The following TRPM1 variants were observed in gnomAD, a reference collection of about 807,000 sequenced individuals.
TRPM1 encodes the protein TRPM1-203 APA Isoform, Intron 10.
TRPM1 carries 113 observed loss-of-function variants against 149.4 expected under a neutral mutation model. That is an observed-to-expected ratio of 0.76 (90% CI 0.65 to 0.88). TRPM1 has a LOEUF of 0.88. TRPM1 is among the 40% of genes least tolerant of loss of function. The pLI, the probability that TRPM1 is intolerant of heterozygous loss-of-function variation, is 0.00. For missense variants in TRPM1, 1,976 were observed against 2,038.7 expected (o/e 0.97, Z 0.59); for synonymous variants, 741 against 759.5 (o/e 0.98, Z 0.40).
chr15:31,034,534 C>T (rs985950352), intron 21 of TRPM1, among the ~76,000 whole-genome samples: 2 of 152,214 alleles, frequency 1.3e-5, no homozygotes, highest in African/African-American at 4.8e-5. Flanking sequence ...GAGACAGACT[C>T]CACAGTGTCC....
intron 1 of TRPM1, among the ~76,000 whole-genome samples, chr15:31,089,404 A>G (rs950237471): frequency 1.3e-5 from 2 of 152,230 alleles, no homozygotes; most frequent in Admixed American, 6.5e-5. Flanking sequence ...TCTTCCCTAC[A>G]GAGTCCAGTA....
chr15:31,115,382 A>G (rs2035785508), intron 1 of TRPM1, among the ~76,000 whole-genome samples: 1 of 152,222 alleles, frequency 6.6e-6, no homozygotes, highest in Admixed American at 6.5e-5. Flanking sequence ...TCACAGCACG[A>G]AAAAGCTGTT....
intron 1 of TRPM1, among the ~76,000 whole-genome samples, chr15:31,089,483 A>G (rs999875987): frequency 4.6e-5 from 7 of 152,308 alleles, no homozygotes; most frequent in Non-Finnish European, 7.4e-5. Flanking sequence ...CTGGCCCACA[A>G]CACTGCTGGA....
intron 1 of TRPM1, among the ~76,000 whole-genome samples, chr15:31,139,595 C>T (rs147510158): frequency 8.9e-4 from 135 of 152,258 alleles, no homozygotes; most frequent in African/African-American, 3.1e-3. Flanking sequence ...AAGAAACTAA[C>T]CTCAATGCCT....
chr15:31,056,773 C>T (rs923733620), intron 11 of TRPM1, among the ~76,000 whole-genome samples: 10 of 152,170 alleles, frequency 6.6e-5, no homozygotes, highest in African/African-American at 2.2e-4. Flanking sequence ...CGCTCTCTTA[C>T]CCTTTCACCT....
chr15:31,074,810 A>G lies in TRPM1; in HGVS notation c.83+2095T>C, dbSNP rs143878902. Among the ~76,000 whole-genome samples, 392 of 152,286 alleles carry G rather than the reference A, an allele frequency of 2.6e-3. 1 individual carries two copies. Among genetic ancestry groups the G allele is most frequent in the African/African-American group, 8.9e-3 (369 of 41,570 alleles). On this transcript the variant is annotated intron_variant, in intron 3 of 27. Coordinates refer to ENST00000256552, the MANE Select transcript of TRPM1 (RefSeq NM_001252024.2). ...TATCTTTCTTAATATAGGTATTTAC[A>G]GGTATAAATTTCCCTGTCCGTACTA... is the stretch of plus-strand genomic sequence containing the variant.
At chr15:31,046,098 G>T in intron 16 of TRPM1, 106 bp downstream of exon 16, 1 of 1,041,734 alleles carries the variant, frequency 9.6e-7, no homozygotes, top group Non-Finnish European at 1.5e-6. Context: ...AGACATCTAG[G>T]TAAATTTTGG....
chr15:31,028,417 C>G lies in TRPM1; in HGVS notation c.3208G>C (p.Gly1070Arg), dbSNP rs753286572. 2 of 1,614,002 alleles carry G rather than the reference C, an allele frequency of 1.2e-6. No homozygotes were observed. Among genetic ancestry groups the G allele is most frequent in the Non-Finnish European group, 1.7e-6 (2 of 1,180,014 alleles). ...ATGAGTGCTGGAGTGAGCCAGGCGC[C>G]GGGGATACAGGGAGGAAGCCGCTTG... ...EGKRLPPCIPGAWLTPALMAC... is the reference protein window; with the variant it reads ...EGKRLPPCIPRAWLTPALMAC... The change falls in exon 25 of 28, where the codon GGC becomes CGC. Residue 1070 changes from glycine (G) to arginine (R), a missense_variant. By Grantham distance (125) the Gly-to-Arg change is moderately radical. This residue lies in a region of TRPM1 where 72 missense variants were observed against 112.7 expected (regional missense o/e 0.64). Transcript: ENST00000256552.
At chr15:31,143,187 G>A (rs1258037525) in intron 1 of TRPM1, among the ~76,000 whole-genome samples, 2 of 152,164 alleles carry the variant, frequency 1.3e-5, no homozygotes, top group African/African-American at 4.8e-5. Context: ...ATAGGCTTCC[G>A]ATAACTTTGA....
chr15:31,006,484 T>C (rs1424821736), intron 27 of TRPM1, among the ~76,000 whole-genome samples: 7 of 152,186 alleles, frequency 4.6e-5, no homozygotes, highest in African/African-American at 1.7e-4. Context: ...GGCAAAGATA[T>C]ATTTCTAATA....
In TRPM1 at chr15:31,049,483, T is replaced by C. The variant is rs1232501761; in HGVS notation, c.1464A>G (p.Leu488=). The change falls in exon 13 of 28, where the codon CTA becomes CTG. Residue 488 remains leucine, a synonymous_variant. Transcript: ENST00000256552. The stretch of plus-strand genomic sequence containing the variant: ...CGACACGATCTAAGACTAAAGCATC[T>C]AGCATCGCTTGCTCCAAAGCATTCA... The part of the protein sequence containing the change: ...NWVNALEQAM[L]DALVLDRVDF... 3 of 1,614,014 alleles carry C rather than the reference T, an allele frequency of 1.9e-6. No individual in the cohort carries two copies. The highest frequency in any genetic ancestry group is 2.5e-6 in the Non-Finnish European group (3 of 1,180,024).
chr15:31,089,502 G>C (rs544436774), intron 1 of TRPM1, among the ~76,000 whole-genome samples: 1 of 152,324 alleles, frequency 6.6e-6, no homozygotes, highest in South Asian at 2.1e-4. Context: ...GAGAACACTG[G>C]GGAGGCCTGT....
chr15:31,124,414 G>C (rs2035918248), intron 1 of TRPM1, among the ~76,000 whole-genome samples: 3 of 152,084 alleles, frequency 2.0e-5, no homozygotes, highest in African/African-American at 7.2e-5. Context: ...ACCACTTTGG[G>C]AGGCGAAGTC....
chr15:31,087,230 G>GGTTTTTTT (rs1486533022), intron 1 of TRPM1, among the ~76,000 whole-genome samples: 1 of 87,470 alleles, frequency 1.1e-5, no homozygotes, highest in Admixed American at 1.2e-4. Context: ...TCTCAATAGG[G>GGTTTTTTT]ATTTTTTTTT....
chr15:31,060,603 C>G lies in TRPM1; in HGVS notation c.1204G>C (p.Ala402Pro). 6.2e-7 allele frequency: 1 copy of G among 1,614,236 alleles called. No individual in the cohort carries two copies. The highest frequency in any genetic ancestry group is 8.5e-7 in the Non-Finnish European group (1 of 1,180,042). ...SAPDQLSLAL[A>P]WNRVDIARSQ... ...CGTGCTATGTCCACGCGGTTCCAAG[C>G]CAGTGCCAAGCTCAGCTGATCTGGA... Residue 402 changes from alanine (A) to proline (P), a missense_variant, in exon 11 of 28, where the codon GCT (alanine) becomes CCT (proline). By Grantham distance (27) the Ala-to-Pro change is conservative. Transcript: ENST00000256552.
intron 27 of TRPM1, among the ~76,000 whole-genome samples, chr15:31,014,982 C>G (rs1244154768): frequency 1.3e-5 from 2 of 150,890 alleles, no homozygotes; most frequent in African/African-American, 4.9e-5. Flanking sequence ...ATTTCCTGCA[C>G]CTGACTTGAG....
intron 1 of TRPM1, among the ~76,000 whole-genome samples, chr15:31,088,678 T>G (rs1408450656): frequency 6.6e-6 from 1 of 152,180 alleles, no homozygotes; most frequent in African/African-American, 2.4e-5. Flanking sequence ...GGGCATTTCA[T>G]ACTAAGCCTT....
At chr15:31,013,323 A>T (rs2032251308) in intron 27 of TRPM1, among the ~76,000 whole-genome samples, 1 of 151,992 alleles carries the variant, frequency 6.6e-6, no homozygotes, top group Non-Finnish European at 1.5e-5. Context: ...TTTTTTTAAA[A>T]ATATATATAA....
intron 1 of TRPM1, among the ~76,000 whole-genome samples, chr15:31,083,655 C>T (rs1356675492): frequency 1.3e-5 from 2 of 152,182 alleles, no homozygotes; most frequent in Non-Finnish European, 2.9e-5. Flanking sequence ...CTTCCTGCTC[C>T]ACCCTCCCAC....
Sources: gnomAD v4.1 joint callset for allele counts (sites outside exome capture counted in the v4.1 genomes callset) on GRCh38, gnomAD v4.1.1 for gene constraint, gnomAD v4.1.1 regional missense constraint, MANE v1.5 for transcripts, NCBI Gene and HGNC (gene_info 2026-07-23, HGNC 2026-07-21) for gene names.